The following MYRFL variants were observed in gnomAD, a reference collection of about 807,000 sequenced individuals.
MYRFL encodes the protein myelin regulatory factor like, also known as myelin regulatory factor-like protein.
Under a neutral mutation model 109.4 loss-of-function variants are expected in MYRFL, and 88 were observed. The observed-to-expected ratio is 0.80, with a 90% CI of 0.68 to 0.96. The LOEUF (loss-of-function observed/expected upper bound fraction) is 0.96. Among genes scored for constraint, MYRFL ranks in the 40% least tolerant of loss-of-function variants. MYRFL has a pLI of 0.00. For synonymous variants in MYRFL, 324 were observed against 320.9 expected (o/e 1.01, Z -0.10); for missense variants, 957 against 954.9 (o/e 1.00, Z -0.03).
rs1415993925 is a variant in MYRFL at position 69,853,679 on chromosome 12, C to T, written c.47-1601C>T. 3.0e-4 allele frequency among the ~76,000 whole-genome samples: 45 copies of T among 148,740 alleles called. 1 individual carries two copies. The highest frequency in any genetic ancestry group is 2.7e-3 in the Admixed American group (41 of 15,040). On this transcript the variant is annotated intron_variant, in intron 1 of 24. Transcript: ENST00000552032. ...CCTCACATCCCAGACGATGGGCGGC[C>T]GGGCAGAGACGATCCTCACTTCCCA...
At chr12:69,836,160 G>A (rs1882927183) in intron 1 of MYRFL, among the ~76,000 whole-genome samples, 1 of 152,222 alleles carries the variant, frequency 6.6e-6, no homozygotes, top group Non-Finnish European at 1.5e-5. Flanking sequence ...CAAATTCCGT[G>A]TGCTTCTGCC....
At chr12:69,914,015 A>T (rs1357299282) in intron 13 of MYRFL, among the ~76,000 whole-genome samples, 4 of 152,108 alleles carry the variant, frequency 2.6e-5, no homozygotes, top group Non-Finnish European at 5.9e-5. Flanking sequence ...ATCTTTTACC[A>T]TGTTGCTTAG....
At chr12:69,957,216 G>A (rs1237099474) in intron 22 of MYRFL, among the ~76,000 whole-genome samples, 2 of 152,078 alleles carry the variant, frequency 1.3e-5, no homozygotes, top group African/African-American at 4.8e-5. Context: ...GTGATTTCTG[G>A]TAGGACTCAC....
chr12:69,860,902 C>G (rs1479830619), intron 2 of MYRFL, among the ~76,000 whole-genome samples: 3 of 119,722 alleles, frequency 2.5e-5, no homozygotes, highest in Admixed American at 8.9e-5. Context: ...CCCCCCTCCC[C>G]CCACCCCACA....
At chr12:69,887,060 C>T (rs1886501844) in intron 6 of MYRFL, 90 bp downstream of exon 6, 1 of 1,386,428 alleles carries the variant, frequency 7.2e-7, no homozygotes. Context: ...TTGATGTCAC[C>T]TCTGGTCAAG....
At chr12:69,916,192 T>G (rs1208721869) in intron 13 of MYRFL, among the ~76,000 whole-genome samples, 2 of 152,104 alleles carry the variant, frequency 1.3e-5, no homozygotes, top group African/African-American at 2.4e-5. Context: ...GCTTATTGTC[T>G]AAGAGGGGGA....
At chr12:69,852,013 A>G (rs939153045) in intron 1 of MYRFL, among the ~76,000 whole-genome samples, 2 of 152,230 alleles carry the variant, frequency 1.3e-5, no homozygotes, top group Non-Finnish European at 2.9e-5. Context: ...TAGCTATTGT[A>G]TGACTTAATC....
At chr12:69,957,965 T>C in intron 23 of MYRFL, 23 bp downstream of exon 23, 1 of 1,524,112 alleles carries the variant, frequency 6.6e-7, no homozygotes, top group Non-Finnish European at 8.8e-7. Context: ...GCCTCCTCTC[T>C]TCCCCGCTGA....
intron 2 of MYRFL, among the ~76,000 whole-genome samples, chr12:69,857,404 A>G (rs1156735847): frequency 6.6e-6 from 1 of 151,884 alleles, no homozygotes; most frequent in Non-Finnish European, 1.5e-5. Flanking sequence ...TAAACACTAG[A>G]ATTAGCTTGT....
chr12:69,903,499 G>A (rs1404870458), intron 10 of MYRFL, 145 bp from the exon 11 acceptor site: 1 of 919,664 alleles, frequency 1.1e-6, no homozygotes, highest in Non-Finnish European at 1.6e-6. Flanking sequence ...GAATTACTTG[G>A]ATATGTCAGA....
intron 10 of MYRFL, among the ~76,000 whole-genome samples, chr12:69,902,546 A>G (rs562047527): frequency 1.3e-5 from 2 of 152,262 alleles, no homozygotes; most frequent in East Asian, 3.9e-4. Flanking sequence ...GCAATGTATC[A>G]TATACCACCA....
intron 12 of MYRFL, among the ~76,000 whole-genome samples, chr12:69,910,420 G>A (rs1954522384): frequency 6.6e-6 from 1 of 152,238 alleles, no homozygotes; most frequent in East Asian, 1.9e-4. Context: ...GAGGGAGAAG[G>A]TGGCAGGGTA....
intron 10 of MYRFL, 133 bp downstream of exon 10, chr12:69,897,379 A>G (rs1389835817): frequency 1.3e-6 from 1 of 742,822 alleles, no homozygotes; most frequent in African/African-American, 1.7e-5. Flanking sequence ...CTATTATTTT[A>G]GTTTTCACAC....
chr12:69,869,251 G>T (rs1329695326), intron 2 of MYRFL, among the ~76,000 whole-genome samples: 2 of 152,186 alleles, frequency 1.3e-5, no homozygotes, highest in African/African-American at 4.8e-5. Flanking sequence ...AATTGGTGAT[G>T]CATGGTGATA....
At chr12:69,849,151 C>T (rs538181122) in intron 1 of MYRFL, among the ~76,000 whole-genome samples, 98 of 152,310 alleles carry the variant, frequency 6.4e-4, no homozygotes, top group Middle Eastern at 3.4e-3. Flanking sequence ...GAATTACAGG[C>T]GCGAGCCATT....
intron 2 of MYRFL, among the ~76,000 whole-genome samples, chr12:69,862,350 T>C (rs562467110): frequency 6.6e-6 from 1 of 152,158 alleles, no homozygotes; most frequent in South Asian, 2.1e-4. Flanking sequence ...AGTATGGCCA[T>C]TTTCACAATA....
intron 13 of MYRFL, among the ~76,000 whole-genome samples, chr12:69,915,994 T>C (rs576698175): frequency 2.6e-5 from 4 of 152,210 alleles, no homozygotes; most frequent in African/African-American, 9.6e-5. Flanking sequence ...GTCTTGTGAA[T>C]AATTATTCCT....
chr12:69,936,776 A>G (rs1592866774), intron 19 of MYRFL, 144 bp downstream of exon 19: 2 of 695,840 alleles, frequency 2.9e-6, no homozygotes, highest in African/African-American at 3.7e-5. Context: ...AAACACAAAT[A>G]CACAACTGCC....
chr12:69,839,846 G>T lies in MYRFL; in HGVS notation c.46+14283G>T, dbSNP rs1265044500. The stretch of plus-strand genomic sequence containing the variant: ...TTTGCTCCTTACTGGATCTCCTGTG[G>T]ATCCCCTACTATTTGTTAGCATTCC... On this transcript the variant is annotated intron_variant, in intron 1 of 24. Coordinates refer to ENST00000552032, the MANE Select transcript of MYRFL (RefSeq NM_182530.3). 2.0e-5 allele frequency among the ~76,000 whole-genome samples: 3 copies of T among 152,072 alleles called. No individual in the cohort carries two copies. The East Asian group carries it at 5.8e-4, about 29-fold the overall frequency.
Sources: allele counts gnomAD v4.1 joint callset (sites outside exome capture counted in the v4.1 genomes callset), GRCh38; gene constraint gnomAD v4.1.1; transcripts MANE v1.5; gene names NCBI Gene and HGNC (gene_info 2026-07-23, HGNC 2026-07-21).